Variants in ANKS1B observed in about 807,000 individuals in gnomAD.
The protein encoded by ANKS1B is ankyrin repeat and sterile alpha motif domain-containing protein 1B.
A neutral mutation model predicts 148.3 loss-of-function variants in ANKS1B; 36 were observed. The observed-to-expected ratio is 0.24, with a 90% CI of 0.19 to 0.32. ANKS1B has a LOEUF of 0.32. Ranked by LOEUF, ANKS1B falls within the 10% of genes least tolerant of loss-of-function variation. ANKS1B has a pLI of 1.00. For synonymous variants in ANKS1B, 542 were observed against 560.8 expected, an observed-to-expected ratio of 0.97 and a Z score of 0.47; for missense variants, 1,157 against 1,542.6, an observed-to-expected ratio of 0.75 and a Z score of 4.19.
In ANKS1B at chr12:99,053,195, C is replaced by T; in HGVS notation, c.2740G>A (p.Asp914Asn). ...AFLINGYTSM[D>N]LLKKIWEVEL... ...ACCTCCCAGATTTTTTTCAACAGGTCCATCGAAGTGTAGCCATTAATTAGA... is the reference window on the plus strand; with the variant it reads ...ACCTCCCAGATTTTTTTCAACAGGTTCATCGAAGTGTAGCCATTAATTAGA... Residue 914 changes from aspartate to asparagine, a missense_variant, in exon 17 of 27, where the codon GAC (aspartate) becomes AAC (asparagine). Physicochemically the swap from Asp to Asn is conservative, Grantham distance 23. Around this residue, in one of 6 missense-constraint regions of ANKS1B, gnomAD observed 258 missense variants for 497.0 expected, o/e 0.52. Coordinates refer to ENST00000683438, the MANE Select transcript of ANKS1B (RefSeq NM_001352186.2). 1 of 1,608,420 alleles carries T rather than the reference C, an allele frequency of 6.2e-7. No individual in the cohort carries two copies. The highest frequency in any genetic ancestry group is 8.5e-7 in the Non-Finnish European group (1 of 1,177,402).
At chr12:99,935,092 A>G (rs1223633214) in intron 1 of ANKS1B, among the ~76,000 whole-genome samples, 1 of 152,184 alleles carries the variant, frequency 6.6e-6, no homozygotes. Flanking sequence ...TTTACAAAAC[A>G]AAGTTAAACG....
chr12:99,525,315 A>G (rs7962904), intron 9 of ANKS1B, among the ~76,000 whole-genome samples: 41,338 of 152,124 alleles, frequency 0.27, 6,711 homozygotes, highest in African/African-American at 0.46. Context: ...TAAATGTAAT[A>G]CAATACCATT....
chr12:99,492,083 T>C (rs1054756192), intron 10 of ANKS1B, among the ~76,000 whole-genome samples: 7 of 151,788 alleles, frequency 4.6e-5, no homozygotes, highest in African/African-American at 9.7e-5. Context: ...TATCAAGACA[T>C]GAAAAACCGT....
intron 9 of ANKS1B, among the ~76,000 whole-genome samples, chr12:99,517,006 T>C (rs1307484866): frequency 1.3e-5 from 2 of 152,152 alleles, no homozygotes; most frequent in East Asian, 3.9e-4. Flanking sequence ...GGGTCTTTTG[T>C]AGTTCCATAT....
chr12:99,144,080 T>G (rs1354354068), intron 15 of ANKS1B, among the ~76,000 whole-genome samples: 1 of 152,188 alleles, frequency 6.6e-6, no homozygotes, highest in Non-Finnish European at 1.5e-5. Context: ...ATGTATGTGA[T>G]AATCATATAA....
At chr12:99,276,853 G>T (rs1048313425) in intron 12 of ANKS1B, among the ~76,000 whole-genome samples, 1 of 152,140 alleles carries the variant, frequency 6.6e-6, no homozygotes, top group Admixed American at 6.5e-5. Context: ...AAAGGTGAAG[G>T]CTCAACAAAT....
At chr12:99,684,041 A>G (rs2098636172) in intron 8 of ANKS1B, among the ~76,000 whole-genome samples, 2 of 152,092 alleles carry the variant, frequency 1.3e-5, no homozygotes, top group Admixed American at 1.3e-4. Flanking sequence ...TCCCCCTGAG[A>G]CCTGGGATAA....
intron 10 of ANKS1B, among the ~76,000 whole-genome samples, chr12:99,461,298 G>A (rs1035170343): frequency 2.6e-5 from 4 of 151,660 alleles, no homozygotes; most frequent in Admixed American, 2.6e-4. Flanking sequence ...GGGCAGTGAG[G>A]GATAAAAGTC....
At chr12:99,818,786 A>G (rs1262980385) in intron 2 of ANKS1B, among the ~76,000 whole-genome samples, 2 of 151,908 alleles carry the variant, frequency 1.3e-5, no homozygotes, top group Non-Finnish European at 2.9e-5. Context: ...AAGTTCAGTT[A>G]AAAACAGGAA....
chr12:99,328,644 C>A (rs1019641430), intron 12 of ANKS1B, among the ~76,000 whole-genome samples: 2 of 151,736 alleles, frequency 1.3e-5, no homozygotes, highest in African/African-American at 4.8e-5. Context: ...AAAAAGCCCT[C>A]AAAAATATTT....
chr12:99,782,302 T>C (rs1034488888), intron 4 of ANKS1B, among the ~76,000 whole-genome samples: 2 of 152,142 alleles, frequency 1.3e-5, no homozygotes, highest in Admixed American at 1.3e-4. Context: ...TGCTTCTAAA[T>C]AGAAATTTGG....
chr12:99,784,099 G>A lies in ANKS1B; in HGVS notation c.670-2002C>T, dbSNP rs186526495. 1.7e-3 allele frequency among the ~76,000 whole-genome samples: 251 copies of A among 150,530 alleles called. 1 individual carries two copies. Among genetic ancestry groups the A allele is most frequent in the Admixed American group, 3.2e-3 (48 of 15,094 alleles). On this transcript the variant is annotated intron_variant, in intron 4 of 26. Transcript: ENST00000683438. The stretch of plus-strand genomic sequence containing the variant: ...ATATTTTCTCCCTGCTTTCCTCTCC[G>A]TCCCATCCTTTGCCCATCACAACCC...
intron 2 of ANKS1B, among the ~76,000 whole-genome samples, chr12:99,824,733 C>T (rs1335133895): frequency 3.3e-5 from 5 of 152,266 alleles, no homozygotes; most frequent in African/African-American, 1.2e-4. Flanking sequence ...TACGGCTACA[C>T]ACTCTTGCAC....
intron 9 of ANKS1B, among the ~76,000 whole-genome samples, chr12:99,641,201 T>G (rs968229185): frequency 7.2e-5 from 11 of 152,198 alleles, no homozygotes; most frequent in African/African-American, 2.7e-4. Context: ...AAAATGTGCG[T>G]TTGTATTGTA....
chr12:99,033,254 T>C (rs575713951), intron 17 of ANKS1B, among the ~76,000 whole-genome samples: 21 of 152,350 alleles, frequency 1.4e-4, no homozygotes, highest in Non-Finnish European at 2.8e-4. Flanking sequence ...TTGACTCTTA[T>C]TAGCAGTTGC....
At chr12:99,514,861 T>A (rs79388456) in intron 9 of ANKS1B, among the ~76,000 whole-genome samples, 5,647 of 152,094 alleles carry the variant, frequency 0.037, 142 homozygotes, top group South Asian at 0.088. Flanking sequence ...TGATGGTTAA[T>A]CCTGGTAATA....
chr12:98,873,482 A>T (rs1326655873), intron 17 of ANKS1B, among the ~76,000 whole-genome samples: 4 of 152,264 alleles, frequency 2.6e-5, no homozygotes, highest in African/African-American at 9.6e-5. Context: ...TTAAAAAAGC[A>T]ATAAAATCTG....
Position 99,801,413 on chromosome 12 carries a change from T to A in ANKS1B, c.669+4991A>T, listed in dbSNP as rs566368089. Among the ~76,000 whole-genome samples, 18 of 152,274 alleles carry A rather than the reference T, an allele frequency of 1.2e-4. No homozygotes were observed. The South Asian group carries it at 3.5e-3, about 30-fold the overall frequency. On this transcript the variant is annotated intron_variant, in intron 4 of 26. Coordinates refer to ENST00000683438, the MANE Select transcript of ANKS1B (RefSeq NM_001352186.2). ...GTTCAAAGAAGAGACAGATACTGAC[T>A]TTGTCAGTGCTGATGATGAATCAAG... is the stretch of plus-strand genomic sequence containing the variant.
At chr12:98,817,657 C>G (rs1353489854) in intron 19 of ANKS1B, among the ~76,000 whole-genome samples, 2 of 152,212 alleles carry the variant, frequency 1.3e-5, no homozygotes, top group African/African-American at 4.8e-5. Context: ...GTTAGCTTCT[C>G]AAGTTCCCTG....
Sources: gnomAD v4.1 joint callset for allele counts (sites outside exome capture counted in the v4.1 genomes callset) on GRCh38, gnomAD v4.1.1 for gene constraint, gnomAD v4.1.1 regional missense constraint, MANE v1.5 for transcripts, NCBI Gene and HGNC (gene_info 2026-07-23, HGNC 2026-07-21) for gene names.